EFCAB14: variants seen among roughly 807,000 people sequenced by gnomAD.
The protein encoded by EFCAB14 is EF-hand calcium binding domain 14.
Under a neutral mutation model 56.5 loss-of-function variants are expected in EFCAB14, and 43 were observed. That is an observed-to-expected ratio of 0.76 (90% CI 0.60 to 0.98). The LOEUF is 0.98. EFCAB14 is among the 50% of genes least tolerant of loss of function. The pLI, the probability that EFCAB14 is intolerant of heterozygous loss-of-function variation, is 0.00. For synonymous variants in EFCAB14, 235 were observed against 212.9 expected, an observed-to-expected ratio of 1.10 and a Z score of -0.90; for missense variants, 538 against 580.3, an observed-to-expected ratio of 0.93 and a Z score of 0.75.
chr1:46,689,647 A>C lies in EFCAB14; in HGVS notation c.735T>G (p.Ile245Met), dbSNP rs1676958777. ...LKETPGSNQI[I>M]PSPSATSELD... ...GTTCTGATGTGGCTGAAGGTGACGG[A>C]ATGATCTGGTTGCTTCCAGGAGTCT... Residue 245 changes from isoleucine (I) to methionine (M), a missense_variant, in exon 6 of 11, where the codon ATT (isoleucine) becomes ATG (methionine). Physicochemically the swap from Ile to Met is conservative, Grantham distance 10. Coordinates refer to ENST00000371933, the MANE Select transcript of EFCAB14 (RefSeq NM_014774.3). The C allele has an allele frequency of 1.2e-6, 2 of 1,613,798 alleles. No individual in the cohort carries two copies. Among genetic ancestry groups the C allele is most frequent in the Non-Finnish European group, 1.7e-6 (2 of 1,179,828 alleles).
At chr1:46,714,455 TG>T (rs1677356877) in intron 2 of EFCAB14, among the ~76,000 whole-genome samples, 1 of 150,716 alleles carries the variant, frequency 6.6e-6, no homozygotes, top group Non-Finnish European at 1.5e-5. Flanking sequence ...AAAAATTCTA[TG>T]TTAAATTCGG....
chr1:46,697,828 A>G (rs1677097773), intron 3 of EFCAB14, among the ~76,000 whole-genome samples: 1 of 151,420 alleles, frequency 6.6e-6, no homozygotes, highest in Admixed American at 6.6e-5. Context: ...GTACTGTGCT[A>G]AGAATTTTTT....
At chr1:46,698,294 A>T (rs1338849379) in intron 3 of EFCAB14, among the ~76,000 whole-genome samples, 1 of 152,162 alleles carries the variant, frequency 6.6e-6, no homozygotes, top group Non-Finnish European at 1.5e-5. Flanking sequence ...AAAAGTTCAG[A>T]GGCTTAAGAT....
intron 10 of EFCAB14, 87 bp from the exon 11 acceptor site, chr1:46,678,723 T>A: frequency 8.1e-6 from 10 of 1,228,732 alleles, no homozygotes; most frequent in East Asian, 3.0e-5. Flanking sequence ...TTTAAAACAC[T>A]AAAAGAAAAG....
intron 4 of EFCAB14, among the ~76,000 whole-genome samples, chr1:46,694,212 G>C (rs1455350096): frequency 6.6e-6 from 1 of 152,090 alleles, no homozygotes; most frequent in Admixed American, 6.5e-5. Flanking sequence ...GGCAACAAAA[G>C]CCAAAATTGA....
chr1:46,719,022 C>A lies in EFCAB14; in HGVS notation c.-935G>T. 6.3e-6 allele frequency: 1 copy of A among 158,520 alleles called. No individual in the cohort carries two copies. Among genetic ancestry groups the A allele is most frequent in the South Asian group, 1.7e-4 (1 of 5,798 alleles). The allele number at this position is 158,520 out of a possible 1,614,324, so 9.8% of individuals were successfully genotyped here. On this transcript the variant is annotated 5_prime_UTR_variant, in exon 1 of 11. Transcript: ENST00000371933. The surrounding 1 kb of genome is among the most constrained non-coding windows in gnomAD (Gnocchi z 4.0). ...CTCCGGCTTCGGCCGCGGCTGCTCCCGACACGTTGTTGTTGGCGTTGGTGG... is the reference window on the plus strand; with the variant it reads ...CTCCGGCTTCGGCCGCGGCTGCTCCAGACACGTTGTTGTTGGCGTTGGTGG...
At chr1:46,689,368 T>C (rs1174037660) in intron 6 of EFCAB14, among the ~76,000 whole-genome samples, 1 of 152,150 alleles carries the variant, frequency 6.6e-6, no homozygotes, top group Non-Finnish European at 1.5e-5. Flanking sequence ...TTTACTCCAC[T>C]GACTGACATG....
At chr1:46,683,279 C>T (rs902987860) in intron 10 of EFCAB14, 21 bp downstream of exon 10, 1 of 1,609,364 alleles carries the variant, frequency 6.2e-7, no homozygotes, top group Non-Finnish European at 8.5e-7. Flanking sequence ...CCCATTACTA[C>T]CCCGTGGTAT....
At chr1:46,693,863 T>C (rs1677036300) in intron 4 of EFCAB14, among the ~76,000 whole-genome samples, 1 of 152,042 alleles carries the variant, frequency 6.6e-6, no homozygotes, top group Non-Finnish European at 1.5e-5. Context: ...AGTTTCCTTT[T>C]CTGGTACCAA....
Position 46,691,811 on chromosome 1 carries a change from T to C in EFCAB14, c.690+16A>G, listed in dbSNP as rs774195478. 1 of 1,598,350 alleles carries C rather than the reference T, an allele frequency of 6.3e-7. No homozygotes were observed. The highest frequency in any genetic ancestry group is 8.6e-7 in the Non-Finnish European group (1 of 1,168,654). ...AAGGGTGAGCAGGAGCATGCTGACT[T>C]GCTGGGTCTCCTTACCATATCACTC... On this transcript the variant is annotated intron_variant, in intron 5 of 10. Coordinates refer to ENST00000371933, the MANE Select transcript of EFCAB14 (RefSeq NM_014774.3).
chr1:46,683,224 T>G, intron 10 of EFCAB14, 76 bp downstream of exon 10: 1 of 1,502,692 alleles, frequency 6.7e-7, no homozygotes, highest in Non-Finnish European at 9.1e-7. Flanking sequence ...ATATATATTT[T>G]TGACAAGTGA....
At chr1:46,691,805 C>T (rs752136873) in intron 5 of EFCAB14, 22 bp downstream of exon 5, 2 of 1,582,052 alleles carry the variant, frequency 1.3e-6, no homozygotes, top group East Asian at 2.2e-5. Context: ...CAGGAGCATG[C>T]TGACTTGCTG....
chr1:46,689,493 C>T (rs1397621594), intron 6 of EFCAB14, 94 bp downstream of exon 6: 10 of 1,160,480 alleles, frequency 8.6e-6, no homozygotes, highest in African/African-American at 1.5e-5. Context: ...ATACAGGATG[C>T]ACCTGCTGAG....
chr1:46,687,301 T>C (rs747728444), intron 7 of EFCAB14, among the ~76,000 whole-genome samples: 1 of 152,236 alleles, frequency 6.6e-6, no homozygotes, highest in Non-Finnish European at 1.5e-5. Context: ...CAAGGCATAA[T>C]ACTCATCATC....
intron 5 of EFCAB14, 39 bp downstream of exon 5, chr1:46,691,788 G>C (rs767896369): frequency 1.1e-5 from 16 of 1,501,000 alleles, no homozygotes; most frequent in Non-Finnish European, 1.3e-5. Flanking sequence ...ACACAAAAAA[G>C]GGTGAGCAGG....
At chr1:46,700,595 C>G (rs1677139777) in intron 3 of EFCAB14, among the ~76,000 whole-genome samples, 1 of 152,100 alleles carries the variant, frequency 6.6e-6, no homozygotes, top group Non-Finnish European at 1.5e-5. Context: ...TTAGAGAAGA[C>G]TTGTAAGAAG....
chr1:46,702,274 T>C (rs1677169573), intron 3 of EFCAB14, among the ~76,000 whole-genome samples: 1 of 152,210 alleles, frequency 6.6e-6, no homozygotes, highest in Non-Finnish European at 1.5e-5. Flanking sequence ...TGAAGTTAAG[T>C]GTCCTTTAAA....
intron 10 of EFCAB14, among the ~76,000 whole-genome samples, chr1:46,682,985 G>A (rs958655181): frequency 5.9e-5 from 9 of 151,400 alleles, no homozygotes; most frequent in African/African-American, 1.9e-4. Context: ...TTGTGCCACT[G>A]CACTCCAGCC....
At chr1:46,701,726 T>G (rs1677161757) in intron 3 of EFCAB14, among the ~76,000 whole-genome samples, 1 of 152,240 alleles carries the variant, frequency 6.6e-6, no homozygotes, top group South Asian at 2.1e-4. Context: ...GTGTATCAGC[T>G]GCCTCACTGC....
Sources: gnomAD v4.1 joint callset for allele counts (sites outside exome capture counted in the v4.1 genomes callset) on GRCh38, gnomAD v4.1.1 for gene constraint, Gnocchi (gnomAD v3.1) non-coding constraint, MANE v1.5 for transcripts, NCBI Gene and HGNC (gene_info 2026-07-23, HGNC 2026-07-21) for gene names.